Variants in SHC3 observed in about 807,000 individuals in gnomAD.
SHC3 encodes SHC adaptor protein 3.
A neutral mutation model predicts 60.4 loss-of-function variants in SHC3; 15 were observed. The ratio of observed to expected loss-of-function variants is 0.25; its 90% confidence interval spans 0.17 to 0.38. SHC3 has a LOEUF of 0.38. Among genes scored for constraint, SHC3 ranks in the 10% least tolerant of loss-of-function variants. The pLI, the probability that SHC3 is intolerant of heterozygous loss-of-function variation, is 1.00. For synonymous variants in SHC3, 294 were observed against 325.9 expected (o/e 0.90, Z 1.05); for missense variants, 677 against 786.1 (o/e 0.86, Z 1.66).
chr9:89,129,188 G>A (rs1237017493), intron 1 of SHC3, among the ~76,000 whole-genome samples: 1 of 152,090 alleles, frequency 6.6e-6, no homozygotes, highest in Non-Finnish European at 1.5e-5. Flanking sequence ...GAAATGAAGT[G>A]AGAAGAGAAG....
At chr9:89,025,030 G>A (rs1169722411) in intron 11 of SHC3, among the ~76,000 whole-genome samples, 2 of 152,214 alleles carry the variant, frequency 1.3e-5, no homozygotes, top group East Asian at 1.9e-4. Flanking sequence ...GAGTTGCCCT[G>A]TGGGCAGTTA....
chr9:89,174,623 T>A (rs145084599), intron 1 of SHC3, among the ~76,000 whole-genome samples: 1 of 152,342 alleles, frequency 6.6e-6, no homozygotes, highest in African/African-American at 2.4e-5. Flanking sequence ...CATTTCTAAA[T>A]ATGGTCACTT....
rs576305694 is a variant in SHC3 at position 89,105,988 on chromosome 9, A to T, written c.545+6568T>A. On this transcript the variant is annotated intron_variant, in intron 2 of 11. Transcript: ENST00000375835. ...AAAGGATATTCATGGTAATAACCCC[A>T]TGCAGATTTATTGAACATCCACTAT... Among the ~76,000 whole-genome samples the T allele has an allele frequency of 2.6e-5, 4 of 152,336 alleles. No individual in the cohort carries two copies. The South Asian group carries it at 8.3e-4, about 32-fold the overall frequency.
At chr9:89,057,870 G>A (rs1315359929) in intron 6 of SHC3, among the ~76,000 whole-genome samples, 1 of 152,172 alleles carries the variant, frequency 6.6e-6, no homozygotes, top group African/African-American at 2.4e-5. Flanking sequence ...TTAAGTTAAG[G>A]ATCTCGAGAT....
chr9:89,046,708 A>C (rs1458073853), intron 8 of SHC3, 136 bp downstream of exon 8: 4 of 1,051,092 alleles, frequency 3.8e-6, no homozygotes, highest in Non-Finnish European at 3.9e-6. Flanking sequence ...CATGAAATCC[A>C]GTGAGAGAAA....
intron 10 of SHC3, among the ~76,000 whole-genome samples, chr9:89,040,223 C>T (rs1564093032): frequency 1.4e-5 from 2 of 144,858 alleles, no homozygotes; most frequent in African/African-American, 2.6e-5. Context: ...TCATCATCAC[C>T]ACCACCATCA....
At chr9:89,157,773 C>A (rs1246947870) in intron 1 of SHC3, among the ~76,000 whole-genome samples, 1 of 152,006 alleles carries the variant, frequency 6.6e-6, no homozygotes, top group Non-Finnish European at 1.5e-5. Flanking sequence ...CCTGCCACCA[C>A]GCCAGGCTAA....
intron 7 of SHC3, among the ~76,000 whole-genome samples, chr9:89,051,308 C>T (rs949329472): frequency 6.6e-6 from 1 of 152,114 alleles, no homozygotes; most frequent in African/African-American, 2.4e-5. Context: ...GACCAATATG[C>T]CCCATATTAC....
At chr9:89,110,051 C>T (rs557637736) in intron 2 of SHC3, 2 of 985,396 alleles carry the variant, frequency 2.0e-6, no homozygotes, top group Admixed American at 1.2e-4. Context: ...CTCCTCAGAA[C>T]CCAGCCAATA....
chr9:89,152,067 A>G (rs1480200341), intron 1 of SHC3, among the ~76,000 whole-genome samples: 1 of 152,178 alleles, frequency 6.6e-6, no homozygotes, highest in East Asian at 1.9e-4. Flanking sequence ...GCCCCTAGTG[A>G]TTTGAGTAGC....
In SHC3 at chr9:89,178,395, G is replaced by GAGA; in HGVS notation, c.63_65dup (p.Leu22dup). 6.4e-7 allele frequency: 1 copy of GAGA among 1,562,892 alleles called. No homozygotes were observed. Among genetic ancestry groups the GAGA allele is most frequent in the Non-Finnish European group, 8.6e-7 (1 of 1,156,558 alleles). Reference sequence around the variant, plus strand: ...CGCCGCCGCTCACCGACAGGCTGTGGAGAAGGTCATCGACCGATGTCACCG... The same window carrying GAGA: ...CGCCGCCGCTCACCGACAGGCTGTGGAGAAGAAGGTCATCGACCGATGTCACCG... On this transcript the variant is annotated inframe_insertion, in exon 1 of 12. Coordinates refer to ENST00000375835, the MANE Select transcript of SHC3 (RefSeq NM_016848.6). This position sits in a 1 kb window ranked among gnomAD's most constrained non-coding sequence, Gnocchi z 6.9.
intron 2 of SHC3, among the ~76,000 whole-genome samples, chr9:89,105,462 T>C (rs1394045199): frequency 6.6e-6 from 1 of 152,196 alleles, no homozygotes; most frequent in Admixed American, 6.5e-5. Flanking sequence ...TGCTGAACTA[T>C]ATAAAATTGC....
intron 5 of SHC3, among the ~76,000 whole-genome samples, chr9:89,066,017 G>A (rs1427898211): frequency 6.6e-6 from 1 of 152,190 alleles, no homozygotes; most frequent in Non-Finnish European, 1.5e-5. Flanking sequence ...TGAGGCCTGT[G>A]CATTCGTTTT....
At chr9:89,044,455 G>T (rs1455119438) in intron 9 of SHC3, among the ~76,000 whole-genome samples, 1 of 152,190 alleles carries the variant, frequency 6.6e-6, no homozygotes, top group Non-Finnish European at 1.5e-5. Flanking sequence ...GGCATAAATA[G>T]CTATAATGAA....
At chr9:89,056,029 A>G (rs1824943587) in intron 6 of SHC3, among the ~76,000 whole-genome samples, 1 of 152,260 alleles carries the variant, frequency 6.6e-6, no homozygotes, top group South Asian at 2.1e-4. Context: ...GTCAGTCAGT[A>G]TCTCAAGACA....
intron 1 of SHC3, among the ~76,000 whole-genome samples, chr9:89,144,209 T>A (rs1286622127): frequency 3.3e-5 from 5 of 152,248 alleles, no homozygotes; most frequent in African/African-American, 1.2e-4. Context: ...GAAGGATTCA[T>A]GCCTGGTGTG....
chr9:89,143,898 C>T (rs1284996680), intron 1 of SHC3, among the ~76,000 whole-genome samples: 1 of 152,106 alleles, frequency 6.6e-6, no homozygotes, highest in Non-Finnish European at 1.5e-5. Flanking sequence ...TACCACTAAA[C>T]CTTTAAGCCA....
At chr9:89,147,117 T>C (rs190658487) in intron 1 of SHC3, among the ~76,000 whole-genome samples, 30 of 151,060 alleles carry the variant, frequency 2.0e-4, no homozygotes, top group Non-Finnish European at 2.7e-4. Context: ...GAAATGAGAA[T>C]AGAAGAGCCT....
chr9:89,067,878 A>T (rs1248413031), intron 5 of SHC3, among the ~76,000 whole-genome samples: 2 of 152,216 alleles, frequency 1.3e-5, no homozygotes, highest in Admixed American at 6.5e-5. Flanking sequence ...AAATAAAAGA[A>T]GTTTATTTTT....
Sources: gnomAD v4.1 joint callset for allele counts (sites outside exome capture counted in the v4.1 genomes callset) on GRCh38, gnomAD v4.1.1 for gene constraint, Gnocchi (gnomAD v3.1) non-coding constraint, MANE v1.5 for transcripts, NCBI Gene and HGNC (gene_info 2026-07-23, HGNC 2026-07-21) for gene names.